LRP2: variants seen among roughly 807,000 people sequenced by gnomAD.
LRP2 encodes the protein low-density lipoprotein receptor-related protein 2.
In LRP2, 172 loss-of-function variants were observed where a neutral mutation model predicts 531.0. That is an observed-to-expected ratio of 0.32 (90% confidence interval 0.29 to 0.37). The LOEUF (loss-of-function observed/expected upper bound fraction) is 0.37, where lower values mean the gene tolerates loss of function less well. Ranked by LOEUF, LRP2 falls within the 10% of genes least tolerant of loss-of-function variation. LRP2 has a pLI of 1.00. For synonymous variants in LRP2, 1,992 were observed against 2,027.6 expected (o/e 0.98, Z 0.47); for missense variants, 5,167 against 5,868.3 (o/e 0.88, Z 3.90).
chr2:169,181,528 C>T lies in LRP2; in HGVS notation c.10089G>A (p.Lys3363=), dbSNP rs956617757. 6.2e-7 allele frequency: 1 copy of T among 1,614,056 alleles called. No individual in the cohort carries two copies. Among genetic ancestry groups the T allele is most frequent in the Non-Finnish European group, 8.5e-7 (1 of 1,180,036 alleles). ...TGGTGATGCCATTAGGCCACTCTAACTTGGTGGAGATTATCACAGACTTGT... is the reference window on the plus strand; with the variant it reads ...TGGTGATGCCATTAGGCCACTCTAATTTGGTGGAGATTATCACAGACTTGT... ...GTNKSVIIST[K]LEWPNGITID... Residue 3363 remains lysine (K), a synonymous_variant, in exon 52 of 79, where the codon AAG becomes AAA. Transcript: ENST00000649046.
chr2:169,255,692 G>T (rs543693587), intron 19 of LRP2, among the ~76,000 whole-genome samples: 1 of 152,214 alleles, frequency 6.6e-6, no homozygotes, highest in African/African-American at 2.4e-5. Flanking sequence ...GATTTCTAAT[G>T]AGATTCTTAC....
intron 9 of LRP2, among the ~76,000 whole-genome samples, chr2:169,284,348 T>G (rs1344273776): frequency 8.1e-6 from 1 of 122,990 alleles, no homozygotes; most frequent in Admixed American, 1.1e-4. Flanking sequence ...CACTGCAACC[T>G]CCGCCTCCCG....
At chr2:169,220,638 A>G in intron 33 of LRP2, 75 bp from the exon 34 acceptor site, 1 of 967,776 alleles carries the variant, frequency 1.0e-6, no homozygotes, top group Non-Finnish European at 1.6e-6. Flanking sequence ...AGGAGAACTT[A>G]TGTACAAAAC....
intron 24 of LRP2, 118 bp downstream of exon 24, chr2:169,242,838 G>A (rs1452750501): frequency 1.2e-6 from 1 of 803,610 alleles, no homozygotes; most frequent in Non-Finnish European, 2.3e-6. Context: ...ACATTCCTTT[G>A]AGGATACTTT....
rs1684072941 is a variant in LRP2, at chr2:169,294,059, G to T, written c.652+89C>A. The T allele has an allele frequency of 3.5e-6, 3 of 869,460 alleles. No homozygotes were observed. In the African/African-American group the frequency reaches 5.0e-5, roughly 14 times the overall value. 53.9% of individuals were successfully genotyped at this position (869,460 alleles called of 1,614,324 possible). A position where few individuals can be genotyped will look rare whatever the true frequency, so the allele number is the denominator to read the frequency against. ...TCTCCTTGAAAAAAGAGGTACATTGGTGGGGGAGCGGGGGGATAAAACAAA... is the reference window on the plus strand; with the variant it reads ...TCTCCTTGAAAAAAGAGGTACATTGTTGGGGGAGCGGGGGGATAAAACAAA... On this transcript the variant is annotated intron_variant, in intron 6 of 78. Coordinates refer to ENST00000649046, the MANE Select transcript of LRP2 (RefSeq NM_004525.3).
chr2:169,349,974 T>C (rs1685802633), intron 1 of LRP2, among the ~76,000 whole-genome samples: 1 of 152,158 alleles, frequency 6.6e-6, no homozygotes, highest in Non-Finnish European at 1.5e-5. Flanking sequence ...TCTAAAAAAG[T>C]TGCTACAGCA....
chr2:169,256,171 A>C lies in LRP2; in HGVS notation c.2705T>G (p.Leu902Ter). Residue 902 changes from leucine (L) to a stop codon, truncating the protein, a stop_gained, in exon 19 of 79, where the codon TTA becomes TGA. Transcript: ENST00000649046. LOFTEE classifies it high-confidence loss of function. ...DKIEHSTFDGLDRRRLGHIEQ... is the reference protein window; with the variant it reads ...DKIEHSTFDG ...TATATGGCCCAGTCTTCTTCTGTCT[A>C]AACCATCAAAGGTGCTGTGCTCAAT... is the stretch of plus-strand genomic sequence containing the variant. 6.2e-7 allele frequency: 1 copy of C among 1,612,980 alleles called. No homozygotes were observed.
At chr2:169,308,969 C>G (rs537798537) in intron 3 of LRP2, among the ~76,000 whole-genome samples, 5 of 152,048 alleles carry the variant, frequency 3.3e-5, no homozygotes, top group Admixed American at 6.5e-5. Flanking sequence ...TTCTCTGATG[C>G]TCAGTGATGA....
At chr2:169,185,236 T>C (rs1687593664) in intron 50 of LRP2, among the ~76,000 whole-genome samples, 2 of 152,200 alleles carry the variant, frequency 1.3e-5, no homozygotes, top group Admixed American at 6.5e-5. Flanking sequence ...TCATCTCCAG[T>C]TAAGTGAATG....
Position 169,182,150 on chromosome 2 carries a change from T to C in LRP2, c.9998+17A>G, listed in dbSNP as rs774949516. ...AAGGAGGTGAAAGAAAAGCCCAGGA[T>C]TGCAGGGAGACAATACCCATATTGA... is the stretch of plus-strand genomic sequence containing the variant. On this transcript the variant is annotated intron_variant, in intron 51 of 78. Coordinates refer to ENST00000649046, the MANE Select transcript of LRP2 (RefSeq NM_004525.3). 6 of 1,613,878 alleles carry C rather than the reference T, an allele frequency of 3.7e-6. No individual in the cohort carries two copies. The highest frequency in any genetic ancestry group is 4.5e-5 in the East Asian group (2 of 44,878).
At chr2:169,315,815 G>T (rs964376230) in intron 3 of LRP2, among the ~76,000 whole-genome samples, 1 of 151,978 alleles carries the variant, frequency 6.6e-6, no homozygotes, top group Non-Finnish European at 1.5e-5. Flanking sequence ...GAGAGATGTT[G>T]GCAGTGGGAG....
rs1689729013 is a variant in LRP2, at chr2:169,239,535, T to C, written c.4286A>G (p.Lys1429Arg). The C allele has an allele frequency of 1.2e-6, 2 of 1,614,052 alleles. No homozygotes were observed. The highest frequency in any genetic ancestry group is 2.2e-5 in the South Asian group (2 of 91,066). The change falls in exon 26 of 79, where the codon AAA (lysine) becomes AGA (arginine). Residue 1429 changes from lysine to arginine, a missense_variant. Lys to Arg is a conservative substitution (Grantham distance 26). This residue lies in a region of LRP2 where 2,811 missense variants were observed against 3,058.0 expected (regional missense o/e 0.92). Transcript: ENST00000649046. ...YMLESDGRTC[K>R]VTASESLLLL... ...GTTAGTTCAGCAATTACCTGTAACTTTGCAAGTCCTCCCATCACTTTCTAA... is the reference window on the plus strand; with the variant it reads ...GTTAGTTCAGCAATTACCTGTAACTCTGCAAGTCCTCCCATCACTTTCTAA...
rs2105363219 is a variant in LRP2 at position 169,157,502 on chromosome 2, T to C, written c.11888A>G (p.Asn3963Ser). ...CGDWSDELGC[N>S]KGKERTCAEN... is the part of the protein sequence containing the mutation. ...AGCACATGTTCTTTCTTTTCCTTTA[T>C]CTGAAAAACAAAATCCCAGCATTAC... The change falls in exon 64 of 79, where the codon AAT becomes AGT. Residue 3963 changes from asparagine (N) to serine (S), a missense_variant and splice_region_variant. Asn to Ser is a conservative substitution (Grantham distance 46). Transcript: ENST00000649046. The C allele has an allele frequency of 1.9e-6, 3 of 1,612,586 alleles. No homozygotes were observed. The highest frequency in any genetic ancestry group is 1.3e-5 in the African/African-American group (1 of 74,948).
At position 169,290,946 on chromosome 2, in the gene LRP2, G is replaced by A; in HGVS notation, c.821C>T (p.Pro274Leu). The A allele has an allele frequency of 1.9e-6, 3 of 1,614,034 alleles. No individual in the cohort carries two copies. The highest frequency in any genetic ancestry group is 2.2e-5 in the South Asian group (2 of 91,074). The change falls in exon 8 of 79, where the codon CCA becomes CTA. Residue 274 changes from proline to leucine, a missense_variant. By Grantham distance (98) the Pro-to-Leu change is moderately conservative. Transcript: ENST00000649046. ...HKCSPREWSC[P>L]ESGRCISIYK... ...AATGGAGATGCATCGTCCCGACTCTGGGCAAGACCATTCTCTTGGGGAACA... is the reference window on the plus strand; with the variant it reads ...AATGGAGATGCATCGTCCCGACTCTAGGCAAGACCATTCTCTTGGGGAACA...
chr2:169,268,125 A>C (rs76480919), intron 16 of LRP2, among the ~76,000 whole-genome samples: 227 of 152,266 alleles, frequency 1.5e-3, no homozygotes, highest in African/African-American at 4.8e-3. Flanking sequence ...TAGCCTACCA[A>C]CCCAAAAAAT....
At chr2:169,131,351 C>G (rs1487678537) in intron 77 of LRP2, among the ~76,000 whole-genome samples, 2 of 151,888 alleles carry the variant, frequency 1.3e-5, no homozygotes, top group Non-Finnish European at 2.9e-5. Flanking sequence ...ATAGACTCTT[C>G]TCAGCATCAA....
At chr2:169,156,206 T>C in intron 65 of LRP2, 68 bp downstream of exon 65, 1 of 1,598,144 alleles carries the variant, frequency 6.3e-7, no homozygotes, top group Non-Finnish European at 8.6e-7. Context: ...GTTTCTTTCA[T>C]CGTATAGTGT....
chr2:169,205,580 T>G lies in LRP2; in HGVS notation c.7614A>C (p.Gly2538=), dbSNP rs190657861. 54 of 1,613,702 alleles carry G rather than the reference T, an allele frequency of 3.3e-5. No homozygotes were observed. Among genetic ancestry groups the G allele is most frequent in the Non-Finnish European group, 4.3e-5 (51 of 1,179,978 alleles). The change falls in exon 41 of 79, where the codon GGA becomes GGC. Residue 2538 remains glycine (G), a synonymous_variant. Transcript: ENST00000649046. ...TCACAATGGGTACGCGGAAGTTTCC[T>G]CCCAATGTGGCTCTCTCGATTTTGG... is the stretch of plus-strand genomic sequence containing the variant. ...THAKIERATL[G]GNFRVPIVNS...
intron 16 of LRP2, among the ~76,000 whole-genome samples, chr2:169,261,840 C>A (rs980420565): frequency 1.3e-5 from 2 of 152,120 alleles, no homozygotes; most frequent in Non-Finnish European, 2.9e-5. Flanking sequence ...ATGCAAAGAT[C>A]CTCAATAAAA....
Sources: allele counts gnomAD v4.1 joint callset (sites outside exome capture counted in the v4.1 genomes callset), GRCh38; gene constraint gnomAD v4.1.1; regional missense constraint gnomAD v4.1.1; transcripts MANE v1.5; gene names NCBI Gene and HGNC (gene_info 2026-07-23, HGNC 2026-07-21).